KLHDC10: variants seen among roughly 807,000 people sequenced by gnomAD.
The protein encoded by KLHDC10 is kelch domain-containing protein 10.
In KLHDC10, 24 loss-of-function variants were observed where a neutral mutation model predicts 56.1. The observed-to-expected ratio is 0.43, with a 90% CI of 0.31 to 0.60. The LOEUF is 0.60. Ranked by LOEUF, KLHDC10 falls within the 20% of genes least tolerant of loss-of-function variation. The pLI is 0.11. For synonymous variants in KLHDC10, 188 were observed against 207.1 expected, an observed-to-expected ratio of 0.91 and a Z score of 0.79; for missense variants, 349 against 567.0, an observed-to-expected ratio of 0.62 and a Z score of 3.91.
chr7:130,094,472 C>T (rs1214568604), intron 1 of KLHDC10, among the ~76,000 whole-genome samples: 1 of 151,926 alleles, frequency 6.6e-6, no homozygotes, highest in African/African-American at 2.4e-5. Context: ...AATGCCTACT[C>T]AGAGAGCTTG....
At chr7:130,127,526 G>T in intron 8 of KLHDC10, 75 bp downstream of exon 8, 1 of 1,071,038 alleles carries the variant, frequency 9.3e-7, no homozygotes. Flanking sequence ...TCCTAAGATA[G>T]CCCCCTCAAA....
At chr7:130,113,129 T>C (rs1040014736) in intron 2 of KLHDC10, among the ~76,000 whole-genome samples, 3 of 152,196 alleles carry the variant, frequency 2.0e-5, no homozygotes, top group African/African-American at 4.8e-5. Context: ...CCAGTGAGTA[T>C]TTTACATGTA....
chr7:130,116,767 G>A lies in KLHDC10; in HGVS notation c.475+101G>A. ...TTAATAATTTATAACACTATAATGT[G>A]ATTTCGCCCTGTGGGTGGATAGGCT... On this transcript the variant is annotated intron_variant, in intron 3 of 9. Transcript: ENST00000335420. This position sits in a 1 kb window ranked among gnomAD's most constrained non-coding sequence, Gnocchi z 4.8. The A allele has an allele frequency of 1.0e-6, 1 of 998,684 alleles. No homozygotes were observed. The highest frequency in any genetic ancestry group is 1.5e-6 in the Non-Finnish European group (1 of 647,328). The allele number at this position is 998,684 out of a possible 1,614,324, so 61.9% of individuals were successfully genotyped here. A position where few individuals can be genotyped will look rare whatever the true frequency, so the allele number is the denominator to read the frequency against.
At chr7:130,128,919 T>TATATATATATATATACATAC (rs1292651924) in intron 8 of KLHDC10, among the ~76,000 whole-genome samples, 1 of 115,714 alleles carries the variant, frequency 8.6e-6, no homozygotes, top group Non-Finnish European at 1.8e-5. Flanking sequence ...TATATATATA[T>TATATATATATATATACATAC]ACATACTAGC....
rs963391388 is a variant in KLHDC10 at position 130,090,007 on chromosome 7, G to A, written c.167-6914G>A. 2.5e-4 allele frequency among the ~76,000 whole-genome samples: 38 copies of A among 151,766 alleles called. 1 individual carries two copies. In the East Asian group the frequency reaches 3.7e-3, roughly 15 times the overall value. Reference sequence around the variant, plus strand: ...AGCAATTCTCCTGCCTCAGCCTCCCGAGTAGCTGGGATTACAGGCATGCAC... The same window carrying A: ...AGCAATTCTCCTGCCTCAGCCTCCCAAGTAGCTGGGATTACAGGCATGCAC... On this transcript the variant is annotated intron_variant, in intron 1 of 9. Coordinates refer to ENST00000335420, the MANE Select transcript of KLHDC10 (RefSeq NM_014997.4).
intron 1 of KLHDC10, among the ~76,000 whole-genome samples, chr7:130,082,103 A>G (rs1795616713): frequency 6.6e-6 from 1 of 152,216 alleles, no homozygotes; most frequent in South Asian, 2.1e-4. Flanking sequence ...GCTTAAGTCC[A>G]GGAGTTTGAG....
intron 4 of KLHDC10, 151 bp downstream of exon 4, chr7:130,121,054 T>C (rs1038829229): frequency 2.8e-6 from 2 of 726,014 alleles, no homozygotes; most frequent in Admixed American, 3.1e-5. Flanking sequence ...TATGAAATTA[T>C]AATTTGCAAA....
chr7:130,106,081 G>T (rs906033137), intron 2 of KLHDC10, among the ~76,000 whole-genome samples: 4 of 152,092 alleles, frequency 2.6e-5, no homozygotes, highest in African/African-American at 9.7e-5. Context: ...CCTGGGAGGC[G>T]GAGGCAGTGA....
chr7:130,079,518 A>G (rs1188195584), intron 1 of KLHDC10, among the ~76,000 whole-genome samples: 2 of 152,140 alleles, frequency 1.3e-5, no homozygotes, highest in African/African-American at 4.8e-5. Flanking sequence ...TTACTGAACC[A>G]TTCTTGTGTT....
intron 1 of KLHDC10, among the ~76,000 whole-genome samples, chr7:130,074,459 C>T (rs1240412701): frequency 1.3e-5 from 2 of 151,960 alleles, no homozygotes; most frequent in Non-Finnish European, 2.9e-5. Flanking sequence ...CACACATATG[C>T]GTATATATAT....
At chr7:130,106,751 G>A (rs944613765) in intron 2 of KLHDC10, among the ~76,000 whole-genome samples, 10 of 152,218 alleles carry the variant, frequency 6.6e-5, no homozygotes, top group African/African-American at 2.2e-4. Flanking sequence ...GCTGAGGTGG[G>A]AGGATCTCTT....
chr7:130,118,618 G>A (rs10272996), intron 3 of KLHDC10, among the ~76,000 whole-genome samples: 13,206 of 152,240 alleles, frequency 0.087, 747 homozygotes, highest in African/African-American at 0.17. Flanking sequence ...CCTAGCTTTC[G>A]CCTGCCTTTG....
At chr7:130,075,688 A>C (rs888752820) in intron 1 of KLHDC10, among the ~76,000 whole-genome samples, 1 of 152,204 alleles carries the variant, frequency 6.6e-6, no homozygotes, top group African/African-American at 2.4e-5. Flanking sequence ...TTGTAGAAGT[A>C]CAGTTTCTGG....
Position 130,116,355 on chromosome 7 carries a change from C to T in KLHDC10, c.254-90C>T. The T allele has an allele frequency of 2.3e-6, 2 of 875,406 alleles. No homozygotes were observed. The highest frequency in any genetic ancestry group is 3.7e-6 in the Non-Finnish European group (2 of 542,976). The allele number at this position is 875,406 out of a possible 1,614,324, so 54.2% of individuals were successfully genotyped here. On this transcript the variant is annotated intron_variant, in intron 2 of 9. Transcript: ENST00000335420. This position sits in a 1 kb window ranked among gnomAD's most constrained non-coding sequence, Gnocchi z 4.8. The stretch of plus-strand genomic sequence containing the variant: ...CCATGTTATAAATCCTTCCTGGTCC[C>T]CTTTTATGGCTAAAATGGTTGTTAC...
intron 2 of KLHDC10, among the ~76,000 whole-genome samples, chr7:130,100,304 T>C (rs1382666952): frequency 6.6e-6 from 1 of 152,290 alleles, no homozygotes; most frequent in East Asian, 1.9e-4. Flanking sequence ...CTCCCCTCTT[T>C]GTTCTGATGG....
At chr7:130,092,023 CTATT>C (rs1245882662) in intron 1 of KLHDC10, among the ~76,000 whole-genome samples, 1 of 152,084 alleles carries the variant, frequency 6.6e-6, no homozygotes, top group African/African-American at 2.4e-5. Context: ...GTTGAAAAGA[CTATT>C]TATTCCCCAC....
intron 1 of KLHDC10, among the ~76,000 whole-genome samples, chr7:130,071,934 A>G (rs1037967924): frequency 2.6e-5 from 4 of 152,160 alleles, no homozygotes; most frequent in Admixed American, 1.3e-4. Flanking sequence ...ACAATTGCTT[A>G]TGTTCGTGAT....
rs986924293 is a variant in KLHDC10 at position 130,103,713 on chromosome 7, A to AG, written c.253+6707dup. Among the ~76,000 whole-genome samples the AG allele has an allele frequency of 3.3e-5, 5 of 152,284 alleles. No homozygotes were observed. In the East Asian group the frequency reaches 7.7e-4, roughly 24 times the overall value. ...CAGTACCCGGCCTCACTAATGTTTAAGTGGGGGGGTCAAAATAAGATTTCT... is the reference window on the plus strand; with the variant it reads ...CAGTACCCGGCCTCACTAATGTTTAAGGTGGGGGGGTCAAAATAAGATTTCT... On this transcript the variant is annotated intron_variant, in intron 2 of 9. Coordinates refer to ENST00000335420, the MANE Select transcript of KLHDC10 (RefSeq NM_014997.4).
intron 8 of KLHDC10, among the ~76,000 whole-genome samples, 195 bp downstream of exon 8, chr7:130,127,646 T>C (rs568667639): frequency 1.3e-5 from 2 of 152,340 alleles, no homozygotes; most frequent in African/African-American, 4.8e-5. Flanking sequence ...GTGTTTGGGT[T>C]CCTTCAGTTA....
Sources: allele counts gnomAD v4.1 joint callset (sites outside exome capture counted in the v4.1 genomes callset), GRCh38; gene constraint gnomAD v4.1.1; non-coding constraint Gnocchi (gnomAD v3.1); transcripts MANE v1.5; gene names NCBI Gene and HGNC (gene_info 2026-07-23, HGNC 2026-07-21).